PKD2: variants seen among roughly 807,000 people sequenced by gnomAD.
PKD2 encodes the protein polycystin-2.
A neutral mutation model predicts 105.9 loss-of-function variants in PKD2; 48 were observed. The ratio of observed to expected loss-of-function variants is 0.45; its 90% CI spans 0.36 to 0.58. PKD2 has a LOEUF of 0.58. Among genes scored for constraint, PKD2 ranks in the 20% least tolerant of loss-of-function variants. PKD2 has a pLI of 0.00. For missense variants in PKD2, 1,078 were observed against 1,255.3 expected, an observed-to-expected ratio of 0.86 and a Z score of 2.13; for synonymous variants, 464 against 481.1, an observed-to-expected ratio of 0.96 and a Z score of 0.46.
intron 13 of PKD2, among the ~76,000 whole-genome samples, chr4:88,070,882 G>A (rs545211816): frequency 3.2e-4 from 48 of 150,812 alleles, no homozygotes; most frequent in African/African-American, 9.7e-4. Flanking sequence ...TGATCCTTCC[G>A]CCTCGGCCTC....
chr4:88,058,839 T>C lies in PKD2; in HGVS notation c.2019+736T>C, dbSNP rs1720456596. 1.3e-5 allele frequency among the ~76,000 whole-genome samples: 2 copies of C among 152,148 alleles called. 1 individual carries two copies. Among genetic ancestry groups the C allele is most frequent in the South Asian group, 4.1e-4 (2 of 4,832 alleles). On this transcript the variant is annotated intron_variant, in intron 9 of 14. Transcript: ENST00000237596. ...CTAAGTCAATTAAGTTTTTTTAAGG[T>C]GTTTTGTTCTTTTTCTTAACATTTA...
In PKD2 at chr4:88,067,880, T is replaced by A. The variant is rs771303286; in HGVS notation, c.2359-18T>A. ...TCTCAGTGTTCTGCTCCTCACTCAG[T>A]GACCCCTTGTTCTTCAGGAGGACCT... On this transcript the variant is annotated intron_variant, in intron 12 of 14. Transcript: ENST00000237596. 2 of 1,611,862 alleles carry A rather than the reference T, an allele frequency of 1.2e-6. No homozygotes were observed. The highest frequency in any genetic ancestry group is 1.7e-6 in the Non-Finnish European group (2 of 1,178,986).
chr4:88,007,788 C>T lies in PKD2; in HGVS notation c.55C>T (p.Pro19Ser). The T allele has an allele frequency of 8.6e-7, 1 of 1,156,572 alleles. No homozygotes were observed. The highest frequency in any genetic ancestry group is 3.0e-5 in the South Asian group (1 of 32,954). The allele number at this position is 1,156,572 out of a possible 1,614,324, so 71.6% of individuals were successfully genotyped here. A position where few individuals can be genotyped will look rare whatever the true frequency, so the allele number is the denominator to read the frequency against. ...PQQPGDAKRP[P>S]APRAPDPGRL... ...GCAGCCCGGGGACGCCAAGCGGCCG[C>T]CCGCGCCCCGCGCGCCGGACCCGGG... is the stretch of plus-strand genomic sequence containing the variant. The change falls in exon 1 of 15, where the codon CCC becomes TCC. Residue 19 changes from proline (P) to serine (S), a missense_variant. Pro to Ser is a moderately conservative substitution (Grantham distance 74). Around this residue, in one of 2 missense-constraint regions of PKD2, gnomAD observed 210 missense variants for 187.9 expected, o/e 1.12. Transcript: ENST00000237596.
chr4:88,012,949 C>T (rs1399048273), intron 1 of PKD2, among the ~76,000 whole-genome samples: 2 of 152,022 alleles, frequency 1.3e-5, no homozygotes, highest in Non-Finnish European at 2.9e-5. Flanking sequence ...CATGTGCACA[C>T]ACAATGAAAT....
At chr4:88,042,493 C>A (rs1312445213) in intron 4 of PKD2, among the ~76,000 whole-genome samples, 1 of 152,096 alleles carries the variant, frequency 6.6e-6, no homozygotes, top group Admixed American at 6.6e-5. Context: ...CCCATATGAC[C>A]ATTCACCTGT....
intron 5 of PKD2, among the ~76,000 whole-genome samples, chr4:88,044,820 T>A (rs1727708939): frequency 6.6e-6 from 1 of 152,108 alleles, no homozygotes; most frequent in African/African-American, 2.4e-5. Flanking sequence ...AAGTTTGGGA[T>A]TTTGAAGCAT....
chr4:88,007,987 A>G lies in PKD2; in HGVS notation c.254A>G (p.Gln85Arg). Reference protein sequence around the residue: ...PSPPLSSCSRQAWSRDNPGFE... With the variant: ...PSPPLSSCSRRAWSRDNPGFE... Reference sequence around the variant, plus strand: ...CCTCCGCTCTCGTCGTGCTCCCGGCAGGCGTGGAGCCGCGATAACCCCGGC... The same window carrying G: ...CCTCCGCTCTCGTCGTGCTCCCGGCGGGCGTGGAGCCGCGATAACCCCGGC... The change falls in exon 1 of 15, where the codon CAG (glutamine) becomes CGG (arginine). Residue 85 changes from glutamine to arginine, a missense_variant. This residue lies in a region of PKD2 where 210 missense variants were observed against 187.9 expected (regional missense o/e 1.12). Transcript: ENST00000237596. 6.6e-7 allele frequency: 1 copy of G among 1,512,130 alleles called. No individual in the cohort carries two copies. Among genetic ancestry groups the G allele is most frequent in the East Asian group, 2.6e-5 (1 of 38,788 alleles). The allele number at this position is 1,512,130 out of a possible 1,614,324, so 93.7% of individuals were successfully genotyped here.
intron 4 of PKD2, among the ~76,000 whole-genome samples, chr4:88,041,585 T>C (rs934414887): frequency 6.6e-6 from 1 of 152,128 alleles, no homozygotes; most frequent in Non-Finnish European, 1.5e-5. Context: ...TGTAGCAACA[T>C]GTGTGAAATG....
At chr4:88,053,319 CT>C (rs1173949736) in intron 7 of PKD2, among the ~76,000 whole-genome samples, 1 of 152,102 alleles carries the variant, frequency 6.6e-6, no homozygotes, top group Non-Finnish European at 1.5e-5. Context: ...CCGTTATGTA[CT>C]TTTCTGAGTT....
chr4:88,017,776 A>T (rs1404089182), intron 1 of PKD2, among the ~76,000 whole-genome samples: 1 of 152,214 alleles, frequency 6.6e-6, no homozygotes, highest in Non-Finnish European at 1.5e-5. Context: ...ACCACGTATA[A>T]ATATTAAGAA....
chr4:88,050,125 C>T (rs1204964878), intron 6 of PKD2, among the ~76,000 whole-genome samples: 1 of 151,900 alleles, frequency 6.6e-6, no homozygotes, highest in African/African-American at 2.4e-5. Flanking sequence ...CAGGTGCCTG[C>T]CACCATGCCC....
chr4:88,053,311 G>A (rs1418455065), intron 7 of PKD2, among the ~76,000 whole-genome samples: 7 of 152,086 alleles, frequency 4.6e-5, no homozygotes, highest in Admixed American at 1.3e-4. Flanking sequence ...GTACTTACCC[G>A]TTATGTACTT....
At chr4:88,043,780 A>G (rs542414665) in intron 5 of PKD2, among the ~76,000 whole-genome samples, 15 of 152,152 alleles carry the variant, frequency 9.9e-5, no homozygotes, top group Non-Finnish European at 2.1e-4. Context: ...TTAGTGCCAC[A>G]TGTTCCATCA....
At chr4:88,016,096 G>A (rs1412081864) in intron 1 of PKD2, among the ~76,000 whole-genome samples, 1 of 152,188 alleles carries the variant, frequency 6.6e-6, no homozygotes. Context: ...AGAATCTAAT[G>A]CCACCCCTGA....
intron 7 of PKD2, 92 bp downstream of exon 7, chr4:88,052,250 T>A: frequency 1.2e-6 from 1 of 843,632 alleles, no homozygotes; most frequent in Admixed American, 2.0e-5. Flanking sequence ...GAATTTGAAA[T>A]TCAAGTGACC....
At chr4:88,011,902 G>GA (rs1242391012) in intron 1 of PKD2, among the ~76,000 whole-genome samples, 3 of 145,960 alleles carry the variant, frequency 2.1e-5, no homozygotes, top group African/African-American at 7.8e-5. Flanking sequence ...ATGGGGGGGG[G>GA]GGGGAGGGGC....
At chr4:88,044,377 A>G (rs1727692434) in intron 5 of PKD2, among the ~76,000 whole-genome samples, 1 of 149,532 alleles carries the variant, frequency 6.7e-6, no homozygotes, top group Admixed American at 6.6e-5. Context: ...ACATAAGATA[A>G]GAAGTGTTTA....
chr4:88,076,242 A>T lies in PKD2; in HGVS notation c.*548A>T, dbSNP rs1416353102. On this transcript the variant is annotated 3_prime_UTR_variant, in exon 15 of 15. Coordinates refer to ENST00000237596, the MANE Select transcript of PKD2 (RefSeq NM_000297.4). ...GAAAGGAACTCCAAACTATGATAGA[A>T]TCTGTGTGAATGGTTAAGATGAATG... 1 of 158,888 alleles carries T rather than the reference A, an allele frequency of 6.3e-6. No individual in the cohort carries two copies. The highest frequency in any genetic ancestry group is 1.4e-5 in the Non-Finnish European group (1 of 71,988). 9.8% of individuals were successfully genotyped at this position (158,888 alleles called of 1,614,324 possible). A position where few individuals can be genotyped will look rare whatever the true frequency, so the allele number is the denominator to read the frequency against.
At chr4:88,065,589 G>C in intron 11 of PKD2, 94 bp downstream of exon 11, 1 of 1,288,622 alleles carries the variant, frequency 7.8e-7, no homozygotes, top group Non-Finnish European at 1.1e-6. Flanking sequence ...GGCTCATACA[G>C]ATACTTTTTT....
Sources: allele counts gnomAD v4.1 joint callset (sites outside exome capture counted in the v4.1 genomes callset), GRCh38; gene constraint gnomAD v4.1.1; regional missense constraint gnomAD v4.1.1; transcripts MANE v1.5; gene names NCBI Gene and HGNC (gene_info 2026-07-23, HGNC 2026-07-21).